The following VDAC1 variants were observed in gnomAD, a reference collection of about 807,000 sequenced individuals.
VDAC1 encodes non-selective voltage-gated ion channel VDAC1.
A neutral mutation model predicts 34.7 loss-of-function variants in VDAC1; 10 were observed. The observed-to-expected ratio is 0.29, with a 90% CI of 0.18 to 0.49. The LOEUF (loss-of-function observed/expected upper bound fraction) is 0.49, where lower values mean the gene tolerates loss of function less well. VDAC1 is among the 20% of genes least tolerant of loss of function. The probability of loss-of-function intolerance (pLI) is 0.99; values close to 1 mark genes in which losing one functional copy is unlikely to be tolerated. For synonymous variants in VDAC1, 130 were observed against 136.0 expected (o/e 0.96, Z 0.30); for missense variants, 230 against 347.9 (o/e 0.66, Z 2.69).
the VDAC1 span, among the ~76,000 whole-genome samples, chr5:134,033,910 T>A: frequency 6.6e-6 from 1 of 151,722 alleles, no homozygotes; most frequent in African/African-American, 2.4e-5. Context: ...GAGAACGGCA[T>A]GAACCCGGGA....
intron 1 of VDAC1, among the ~76,000 whole-genome samples, chr5:133,995,274 C>T (rs1753255375): frequency 6.6e-6 from 1 of 152,240 alleles, no homozygotes; most frequent in Admixed American, 6.5e-5. Context: ...GGTTCCACAA[C>T]ACAACCATGT....
the VDAC1 span, among the ~76,000 whole-genome samples, chr5:134,041,456 G>A: frequency 1.3e-5 from 2 of 152,218 alleles, no homozygotes; most frequent in Non-Finnish European, 2.9e-5. Flanking sequence ...GAGAAGGCCA[G>A]CCCTGATGGC....
the VDAC1 span, among the ~76,000 whole-genome samples, chr5:134,041,362 G>A: frequency 6.6e-6 from 1 of 152,226 alleles, no homozygotes; most frequent in African/African-American, 2.4e-5. Context: ...GGCCCAGGAG[G>A]GGCACATCCA....
At chr5:134,012,894 C>T in the VDAC1 span, among the ~76,000 whole-genome samples, 2 of 152,062 alleles carry the variant, frequency 1.3e-5, no homozygotes, top group Admixed American at 1.3e-4. Flanking sequence ...CAAAAACAGA[C>T]ACATAGACCA....
At chr5:133,987,795 T>C (rs1752961117) in intron 5 of VDAC1, among the ~76,000 whole-genome samples, 1 of 152,054 alleles carries the variant, frequency 6.6e-6, no homozygotes, top group African/African-American at 2.4e-5. Context: ...AAGAGAAAAA[T>C]AGTAGCTTTA....
At chr5:134,044,396 C>T in the VDAC1 span, among the ~76,000 whole-genome samples, 1 of 152,210 alleles carries the variant, frequency 6.6e-6, no homozygotes, top group Non-Finnish European at 1.5e-5. Context: ...CCGCCCCATC[C>T]TTCCTGTCGG....
At chr5:134,036,653 C>CT in the VDAC1 span, among the ~76,000 whole-genome samples, 3 of 136,870 alleles carry the variant, frequency 2.2e-5, no homozygotes, top group Non-Finnish European at 4.6e-5. Context: ...AAGACACTGT[C>CT]TTTTTTAAAA....
chr5:134,037,095 G>T, the VDAC1 span, among the ~76,000 whole-genome samples: 1 of 152,320 alleles, frequency 6.6e-6, no homozygotes, highest in African/African-American at 2.4e-5. Flanking sequence ...CAGGAGAACA[G>T]AGGAACAACC....
At chr5:134,039,486 G>T in the VDAC1 span, among the ~76,000 whole-genome samples, 3 of 145,276 alleles carry the variant, frequency 2.1e-5, no homozygotes, top group African/African-American at 5.1e-5. Flanking sequence ...CTGCCACCAC[G>T]CCCGGCTAAT....
At chr5:134,105,210 C>T in the VDAC1 span, among the ~76,000 whole-genome samples, 1 of 152,180 alleles carries the variant, frequency 6.6e-6, no homozygotes, top group Non-Finnish European at 1.5e-5. Flanking sequence ...ATAACACCAC[C>T]CCCATTGATA....
chr5:134,079,965 G>A, the VDAC1 span, among the ~76,000 whole-genome samples: 3 of 152,246 alleles, frequency 2.0e-5, no homozygotes, highest in African/African-American at 7.2e-5. Flanking sequence ...GCTGAATCTT[G>A]TCTTGCCCCA....
the VDAC1 span, among the ~76,000 whole-genome samples, chr5:134,017,023 G>A: frequency 6.6e-6 from 1 of 152,302 alleles, no homozygotes; most frequent in African/African-American, 2.4e-5. Context: ...CTTCCCAGAT[G>A]GCTGGTGCCT....
At chr5:134,093,104 C>A in the VDAC1 span, among the ~76,000 whole-genome samples, 5 of 152,214 alleles carry the variant, frequency 3.3e-5, no homozygotes, top group Non-Finnish European at 7.3e-5. Context: ...AGCTTTCTGG[C>A]CCTTGGCAAG....
At chr5:134,108,154 T>A in the VDAC1 span, among the ~76,000 whole-genome samples, 3 of 151,942 alleles carry the variant, frequency 2.0e-5, no homozygotes, top group Non-Finnish European at 4.4e-5. Context: ...AGACCAGGAA[T>A]GGGCCTTAAA....
the VDAC1 span, among the ~76,000 whole-genome samples, chr5:134,049,639 G>A: frequency 6.6e-6 from 1 of 152,196 alleles, no homozygotes; most frequent in Non-Finnish European, 1.5e-5. Context: ...AGGGAGCGTA[G>A]TGTGATCTCA....
intron 1 of VDAC1, among the ~76,000 whole-genome samples, chr5:133,997,061 G>C (rs560461198): frequency 6.6e-6 from 1 of 152,268 alleles, no homozygotes; most frequent in East Asian, 1.9e-4. Flanking sequence ...CCACATCTGT[G>C]TTTCAGAAGC....
chr5:134,098,524 C>T, the VDAC1 span, among the ~76,000 whole-genome samples: 4 of 152,220 alleles, frequency 2.6e-5, no homozygotes, highest in Admixed American at 6.5e-5. Context: ...CACACCCGGC[C>T]AAGGATTCCT....
At chr5:134,024,754 C>T in the VDAC1 span, among the ~76,000 whole-genome samples, 2 of 152,344 alleles carry the variant, frequency 1.3e-5, no homozygotes, top group South Asian at 4.1e-4. Context: ...AACACTGTGC[C>T]AGTGCTAGGC....
At chr5:134,110,371 C>T in the VDAC1 span, among the ~76,000 whole-genome samples, 1 of 152,172 alleles carries the variant, frequency 6.6e-6, no homozygotes, top group Non-Finnish European at 1.5e-5. Context: ...CCCCAAAGCC[C>T]CCTTGCTTCA....
Sources: allele counts gnomAD v4.1 joint callset (sites outside exome capture counted in the v4.1 genomes callset), GRCh38; gene constraint gnomAD v4.1.1; transcripts MANE v1.5; gene names NCBI Gene and HGNC (gene_info 2026-07-23, HGNC 2026-07-21).